Variants in NAV3 observed in about 807,000 individuals in gnomAD.
NAV3 encodes pore membrane and/or filament interacting like protein 1.
NAV3 carries 87 observed loss-of-function variants against 244.7 expected under a neutral mutation model. The observed-to-expected ratio is 0.36, with a 90% confidence interval of 0.30 to 0.42. The LOEUF is 0.42. NAV3 is among the 20% of genes least tolerant of loss of function. The pLI, the probability that NAV3 is intolerant of heterozygous loss-of-function variation, is 1.00. For missense variants in NAV3, 2,663 were observed against 2,893.3 expected (o/e 0.92, Z 1.83); for synonymous variants, 1,126 against 1,042.2 (o/e 1.08, Z -1.55).
intron 1 of NAV3, among the ~76,000 whole-genome samples, chr12:77,918,732 T>C (rs889033559): frequency 6.6e-6 from 1 of 152,022 alleles, no homozygotes; most frequent in Non-Finnish European, 1.5e-5. Context: ...ATGGTCATCA[T>C]CCAGTAGGAT....
chr12:78,082,168 T>TA (rs1953389345), intron 12 of NAV3, among the ~76,000 whole-genome samples: 2 of 152,206 alleles, frequency 1.3e-5, no homozygotes, highest in South Asian at 4.1e-4. Flanking sequence ...TGCTCCTCCT[T>TA]GCTTTCTTCC....
rs1869714108 is a variant in NAV3 at position 77,982,238 on chromosome 12, T to C, written c.672-12565T>C. 3.3e-5 allele frequency among the ~76,000 whole-genome samples: 2 copies of C among 61,230 alleles called. 1 individual carries two copies. Among genetic ancestry groups the C allele is most frequent in the Non-Finnish European group, 9.4e-5 (2 of 21,312 alleles). 40.2% of individuals were successfully genotyped at this position (61,230 alleles called of 152,430 possible). On this transcript the variant is annotated intron_variant, in intron 5 of 39. Coordinates refer to ENST00000397909, the MANE Select transcript of NAV3 (RefSeq NM_001024383.2). ...GGCTTAATGAAAGATGATTTGTTGC[T>C]ATTGATCCTTTATATGTTACATTAG... is the stretch of plus-strand genomic sequence containing the variant.
intron 1 of NAV3, among the ~76,000 whole-genome samples, chr12:77,876,776 C>A (rs1463373725): frequency 1.3e-5 from 2 of 152,032 alleles, no homozygotes; most frequent in Non-Finnish European, 2.9e-5. Flanking sequence ...CCAGTCAAGG[C>A]TTTTTATTAG....
intron 2 of NAV3, among the ~76,000 whole-genome samples, chr12:77,699,823 A>G (rs142503357): frequency 1.6e-3 from 240 of 151,816 alleles, no homozygotes; most frequent in Admixed American, 2.5e-3. Flanking sequence ...AAGCCTCTGA[A>G]ATCAGTCACC....
At chr12:78,071,791 C>T (rs1365619005) in intron 12 of NAV3, among the ~76,000 whole-genome samples, 7 of 152,022 alleles carry the variant, frequency 4.6e-5, no homozygotes, top group Non-Finnish European at 7.4e-5. Flanking sequence ...TGTAGATATG[C>T]GGCCCTCAGC....
intron 2 of NAV3, among the ~76,000 whole-genome samples, chr12:77,775,473 C>A (rs1222372561): frequency 3.3e-5 from 5 of 151,710 alleles, no homozygotes; most frequent in Non-Finnish European, 5.9e-5. Flanking sequence ...AATTTATGAC[C>A]AAGATCTAGC....
chr12:77,772,504 T>C (rs1386323086), intron 2 of NAV3, among the ~76,000 whole-genome samples: 1 of 152,198 alleles, frequency 6.6e-6, no homozygotes, highest in African/African-American at 2.4e-5. Context: ...AGACTTATGA[T>C]AAATAGTGCT....
chr12:78,073,645 A>T (rs902615598), intron 12 of NAV3, among the ~76,000 whole-genome samples: 1 of 152,214 alleles, frequency 6.6e-6, no homozygotes, highest in Non-Finnish European at 1.5e-5. Flanking sequence ...TGCCATCCCC[A>T]TCAAGCTACC....
At chr12:78,007,516 A>G (rs2136606841) in intron 8 of NAV3, 71 bp downstream of exon 8, 1 of 1,459,892 alleles carries the variant, frequency 6.8e-7, no homozygotes. Flanking sequence ...TGTAATAGGG[A>G]AGGCTGATAA....
intron 2 of NAV3, among the ~76,000 whole-genome samples, chr12:77,746,342 G>A (rs1281403554): frequency 6.6e-6 from 1 of 152,090 alleles, no homozygotes; most frequent in Non-Finnish European, 1.5e-5. Context: ...AGAAACACTA[G>A]TGGGAAATCC....
rs560055276 is a variant in NAV3 at position 77,942,604 on chromosome 12, A to G, written c.414+1471A>G. 9.9e-5 allele frequency among the ~76,000 whole-genome samples: 15 copies of G among 152,230 alleles called. 1 individual carries two copies. In the South Asian group the frequency reaches 3.1e-3, roughly 32 times the overall value. ...AATTACAGTTGTTTTCTGAGGTTTT[A>G]CTGTGAACAAGCCAAATCAGAAGAC... On this transcript the variant is annotated intron_variant, in intron 3 of 39. Coordinates refer to ENST00000397909, the MANE Select transcript of NAV3 (RefSeq NM_001024383.2).
intron 2 of NAV3, among the ~76,000 whole-genome samples, chr12:77,658,101 TG>T (rs1367294363): frequency 1.3e-5 from 2 of 152,052 alleles, no homozygotes; most frequent in Non-Finnish European, 2.9e-5. Flanking sequence ...TTGGAAGTTC[TG>T]GCCAGGGCAA....
At chr12:77,810,418 A>G (rs1872230244) in intron 2 of NAV3, among the ~76,000 whole-genome samples, 1 of 152,006 alleles carries the variant, frequency 6.6e-6, no homozygotes, top group Non-Finnish European at 1.5e-5. Context: ...TGATCCGCCC[A>G]CCTCGGCCTC....
chr12:78,184,309 A>G (rs1009493531), intron 30 of NAV3, among the ~76,000 whole-genome samples: 1 of 151,904 alleles, frequency 6.6e-6, no homozygotes, highest in Admixed American at 6.6e-5. Context: ...ATCACAAACT[A>G]CCAGAAGTCT....
chr12:77,919,760 A>G (rs1887525573), intron 1 of NAV3, among the ~76,000 whole-genome samples: 1 of 152,014 alleles, frequency 6.6e-6, no homozygotes, highest in South Asian at 2.1e-4. Flanking sequence ...ACTGCTCTCA[A>G]TGGCAATTAT....
chr12:78,131,259 A>C (rs907209019), intron 18 of NAV3, among the ~76,000 whole-genome samples: 1 of 152,196 alleles, frequency 6.6e-6, no homozygotes, highest in Non-Finnish European at 1.5e-5. Flanking sequence ...TTAGCAATTG[A>C]AAACAATTAT....
chr12:77,999,142 T>C (rs1051824471), intron 7 of NAV3, among the ~76,000 whole-genome samples: 1 of 152,230 alleles, frequency 6.6e-6, no homozygotes, highest in Non-Finnish European at 1.5e-5. Context: ...GCTGATTTGA[T>C]GCTTGTCACT....
intron 12 of NAV3, among the ~76,000 whole-genome samples, chr12:78,064,863 C>A (rs552843308): frequency 2.0e-5 from 3 of 151,984 alleles, no homozygotes; most frequent in South Asian, 4.2e-4. Context: ...TTTGGAAATG[C>A]GTAAATGTGG....
intron 18 of NAV3, 31 bp from the exon 19 acceptor site, chr12:78,137,146 A>G: frequency 6.4e-7 from 1 of 1,572,264 alleles, no homozygotes; most frequent in South Asian, 1.2e-5. Context: ...CAAGCTTAAG[A>G]GTAATAGGCT....
Sources: gnomAD v4.1 joint callset for allele counts (sites outside exome capture counted in the v4.1 genomes callset) on GRCh38, gnomAD v4.1.1 for gene constraint, MANE v1.5 for transcripts, NCBI Gene and HGNC (gene_info 2026-07-23, HGNC 2026-07-21) for gene names.